OR8G5: variants seen among roughly 807,000 people sequenced by gnomAD.
OR8G5 encodes the protein olfactory receptor family 8 subfamily G member 5.
For missense variants in OR8G5, 347 were observed against 371.9 expected (o/e 0.93, Z 0.55); for synonymous variants, 147 against 147.7 (o/e 1.00, Z 0.03).
At chr11:124,260,505 A>C (rs1261512606) in intron 1 of OR8G5, among the ~76,000 whole-genome samples, 2 of 151,882 alleles carry the variant, frequency 1.3e-5, no homozygotes, top group Non-Finnish European at 2.9e-5. Flanking sequence ...CCCTGAACTT[A>C]AAAGTTAAAA....
chr11:124,256,987 A>G (rs1316845372), intron 1 of OR8G5, among the ~76,000 whole-genome samples: 1 of 152,202 alleles, frequency 6.6e-6, no homozygotes, highest in East Asian at 1.9e-4. Context: ...AAAGAAAACA[A>G]ATGTTTGCCA....
chr11:124,259,639 A>C (rs958606400), intron 1 of OR8G5, among the ~76,000 whole-genome samples: 2 of 152,064 alleles, frequency 1.3e-5, no homozygotes, highest in Non-Finnish European at 2.9e-5. Context: ...TCATGTTTAC[A>C]TTTTTACATT....
intron 1 of OR8G5, among the ~76,000 whole-genome samples, chr11:124,257,774 G>C (rs1451833235): frequency 6.6e-6 from 1 of 152,162 alleles, no homozygotes; most frequent in Non-Finnish European, 1.5e-5. Context: ...AGCTTAGTTA[G>C]ATAAGGAAAT....
chr11:124,265,106 A>G lies in OR8G5; in HGVS notation c.175A>G (p.Met59Val), dbSNP rs1591396666. Residue 59 changes from methionine (M) to valine (V), a missense_variant, in exon 2 of 2, where the codon ATG (methionine) becomes GTG (valine). Met to Val is a conservative substitution (Grantham distance 21). Transcript: ENST00000641992. Reference sequence around the variant, plus strand: ...GCTCAGTTCTCACCTGCACACACCTATGTACTGTTTCCTCAGCAGTCTGTC... The same window carrying G: ...GCTCAGTTCTCACCTGCACACACCTGTGTACTGTTTCCTCAGCAGTCTGTC... The part of the protein sequence containing the change: ...IGLSSHLHTP[M>V]YCFLSSLSFI... 3.7e-6 allele frequency: 6 copies of G among 1,614,076 alleles called. No individual in the cohort carries two copies. The highest frequency in any genetic ancestry group is 5.1e-6 in the Non-Finnish European group (6 of 1,180,010).
chr11:124,257,000 C>A (rs1015288368), intron 1 of OR8G5, among the ~76,000 whole-genome samples: 4 of 152,044 alleles, frequency 2.6e-5, no homozygotes, highest in Admixed American at 1.3e-4. Context: ...GTTTGCCAGA[C>A]AACAGAAAGT....
rs187507900 is a variant in OR8G5 at position 124,260,159 on chromosome 11, T to G, written c.-15+3525T>G. On this transcript the variant is annotated intron_variant, in intron 1 of 1. Coordinates refer to ENST00000641992, the MANE Select transcript of OR8G5 (RefSeq NM_001005198.2). ...TTCTCTTCAGGAATTTGTTGATATA[T>G]TTTTCATAGTCATGCATTTTTTTTG... is the stretch of plus-strand genomic sequence containing the variant. Among the ~76,000 whole-genome samples, 495 of 146,862 alleles carry G rather than the reference T, an allele frequency of 3.4e-3. 2 individuals carry two copies. Among genetic ancestry groups the G allele is most frequent in the African/African-American group, 0.012 (476 of 40,718 alleles).
At position 124,265,621 on chromosome 11, in the gene OR8G5, C is replaced by T. The variant is rs1862021437; in HGVS notation, c.690C>T (p.Tyr230=). Residue 230 remains tyrosine, a synonymous_variant, in exon 2 of 2, where the codon TAC becomes TAT. Transcript: ENST00000641992. ...FIIASILRIR[Y]TEGRSKAFST... is the part of the protein sequence containing the mutation. ...TTGCCAGCATCCTCCGCATTCGCTACACTGAGGGCAGGTCCAAAGCCTTCA... is the reference window on the plus strand; with the variant it reads ...TTGCCAGCATCCTCCGCATTCGCTATACTGAGGGCAGGTCCAAAGCCTTCA... The T allele has an allele frequency of 1.9e-6, 3 of 1,613,832 alleles. No homozygotes were observed. The highest frequency in any genetic ancestry group is 2.5e-6 in the Non-Finnish European group (3 of 1,179,916).
In OR8G5 at chr11:124,262,672, T is replaced by TACACACACAC. The variant is rs144755103; in HGVS notation, c.-14-2245_-14-2244insCACACACACA. On this transcript the variant is annotated intron_variant, in intron 1 of 1. Coordinates refer to ENST00000641992, the MANE Select transcript of OR8G5 (RefSeq NM_001005198.2). ...GTATTCAGTTTTATATATATGTACA[T>TACACACACAC]ATACACACACACACACATACACACA... Among the ~76,000 whole-genome samples the TACACACACAC allele has an allele frequency of 9.9e-3, 1,500 of 150,952 alleles. 31 individuals carry two copies. Among genetic ancestry groups the TACACACACAC allele is most frequent in the African/African-American group, 0.033 (1,376 of 41,322 alleles).
Position 124,256,526 on chromosome 11 carries a change from C to T in OR8G5, c.-123C>T, listed in dbSNP as rs184539209. 2.6e-5 allele frequency: 4 copies of T among 152,266 alleles called. No individual in the cohort carries two copies. Among genetic ancestry groups the T allele is most frequent in the Admixed American group, 6.5e-5 (1 of 15,284 alleles). The allele number at this position is 152,266 out of a possible 1,614,324, so 9.4% of individuals were successfully genotyped here. On this transcript the variant is annotated 5_prime_UTR_variant, in exon 1 of 2. The change creates a new upstream start codon in the 5' untranslated region. Coordinates refer to ENST00000641992, the MANE Select transcript of OR8G5 (RefSeq NM_001005198.2). ...AGTCTCAGGACTAAAGACTACAGAA[C>T]GCTGGCTTGGTACCTATGACTTCCA...
chr11:124,262,941 G>A (rs118128984), intron 1 of OR8G5, among the ~76,000 whole-genome samples: 1,757 of 152,192 alleles, frequency 0.012, 24 homozygotes, highest in Admixed American at 0.054. Flanking sequence ...CTCCCTGCCA[G>A]CTTTGTATGA....
intron 1 of OR8G5, 138 bp from the exon 2 acceptor site, chr11:124,264,780 T>G: frequency 9.6e-7 from 1 of 1,037,392 alleles, no homozygotes; most frequent in Non-Finnish European, 1.4e-6. Context: ...GATTACTACA[T>G]GCTAAATTGG....
At chr11:124,261,931 A>G (rs1861975352) in intron 1 of OR8G5, among the ~76,000 whole-genome samples, 1 of 151,894 alleles carries the variant, frequency 6.6e-6, no homozygotes, top group South Asian at 2.1e-4. Context: ...ACACAAATAT[A>G]AAAAAGAAAT....
chr11:124,264,881 A>G (rs774022761), intron 1 of OR8G5, 37 bp from the exon 2 acceptor site: 4 of 1,609,158 alleles, frequency 2.5e-6, no homozygotes, highest in Middle Eastern at 1.7e-4. Flanking sequence ...TAACAATACA[A>G]TTCACCTAAA....
At chr11:124,260,208 T>G (rs894200465) in intron 1 of OR8G5, among the ~76,000 whole-genome samples, 9 of 151,974 alleles carry the variant, frequency 5.9e-5, no homozygotes, top group African/African-American at 1.9e-4. Flanking sequence ...TTTTAAAATT[T>G]CAGTATACAC....
intron 1 of OR8G5, among the ~76,000 whole-genome samples, chr11:124,258,817 G>A (rs912908092): frequency 6.6e-6 from 1 of 152,014 alleles, no homozygotes; most frequent in Admixed American, 6.6e-5. Context: ...CAGCACCATT[G>A]TAACACATTC....
rs1591395533 is a variant in OR8G5 at position 124,261,222 on chromosome 11, A to G, written c.-14-3696A>G. Among the ~76,000 whole-genome samples the G allele has an allele frequency of 3.5e-5, 4 of 114,240 alleles. No individual in the cohort carries two copies. The East Asian group carries it at 1.2e-3, about 34-fold the overall frequency. 74.9% of individuals were successfully genotyped at this position (114,240 alleles called of 152,430 possible). A position where few individuals can be genotyped will look rare whatever the true frequency, so the allele number is the denominator to read the frequency against. On this transcript the variant is annotated intron_variant, in intron 1 of 1. Coordinates refer to ENST00000641992, the MANE Select transcript of OR8G5 (RefSeq NM_001005198.2). ...CACTGATGGAGACTTAAGTTTGTCT[A>G]ATTTAAGATTACTTAAAAGTTTTAA...
intron 1 of OR8G5, among the ~76,000 whole-genome samples, chr11:124,257,132 A>G (rs932811779): frequency 1.3e-5 from 2 of 148,544 alleles, no homozygotes; most frequent in South Asian, 2.1e-4. Flanking sequence ...GGAGGAAGAT[A>G]CAAGACCTAA....
intron 1 of OR8G5, among the ~76,000 whole-genome samples, chr11:124,258,261 A>C (rs762540337): frequency 1.6e-4 from 24 of 152,106 alleles, no homozygotes; most frequent in Non-Finnish European, 2.9e-4. Context: ...TTCCTCCTTA[A>C]AAAAGACATT....
At chr11:124,258,422 G>T (rs2137756703) in intron 1 of OR8G5, among the ~76,000 whole-genome samples, 1 of 152,106 alleles carries the variant, frequency 6.6e-6, no homozygotes, top group South Asian at 2.1e-4. Flanking sequence ...GCTGAGCGTG[G>T]TGGCGGGCGC....
Sources: gnomAD v4.1 joint callset for allele counts (sites outside exome capture counted in the v4.1 genomes callset) on GRCh38, gnomAD v4.1.1 for gene constraint, MANE v1.5 for transcripts, NCBI Gene and HGNC (gene_info 2026-07-23, HGNC 2026-07-21) for gene names.